The following MEF2C variants were observed in gnomAD, a reference collection of about 807,000 sequenced individuals.
MEF2C encodes the protein myocyte-specific enhancer factor 2C.
A neutral mutation model predicts 50.5 loss-of-function variants in MEF2C; 6 were observed. The ratio of observed to expected loss-of-function variants is 0.12; its 90% CI spans 0.07 to 0.23. MEF2C has a LOEUF of 0.23. Ranked by LOEUF, MEF2C falls within the 10% of genes least tolerant of loss-of-function variation. MEF2C has a pLI of 1.00. For missense variants in MEF2C, 276 were observed against 605.0 expected (o/e 0.46, Z 5.70); for synonymous variants, 183 against 228.0 (o/e 0.80, Z 1.78).
At chr5:88,767,391 CTTTG>C (rs1239249135) in intron 3 of MEF2C, among the ~76,000 whole-genome samples, 1 of 144,896 alleles carries the variant, frequency 6.9e-6, no homozygotes. Context: ...AGTCCCTTTT[CTTTG>C]TTCTTATTCT....
chr5:88,725,819 G>A (rs150391976), intron 10 of MEF2C, among the ~76,000 whole-genome samples: 266 of 152,116 alleles, frequency 1.7e-3, no homozygotes, highest in Non-Finnish European at 3.2e-3. Context: ...ATCTCTCTCA[G>A]TATGTACTGA....
Position 88,722,574 on chromosome 5 carries a change from A to T in MEF2C, c.*30T>A. 1 of 1,569,374 alleles carries T rather than the reference A, an allele frequency of 6.4e-7. No individual in the cohort carries two copies. On this transcript the variant is annotated 3_prime_UTR_variant, in exon 11 of 11. Transcript: ENST00000504921. ...ATAGCACACACACACACTGCAAGAA[A>T]AAAAAAAAAACTAGTAAGTAATAAT...
At chr5:88,735,238 C>T in intron 6 of MEF2C, 1 of 985,342 alleles carries the variant, frequency 1.0e-6, no homozygotes, top group Non-Finnish European at 1.2e-6. Context: ...GCCTGTTGTC[C>T]CACCTTAAGA....
intron 5 of MEF2C, chr5:88,751,417 A>T (rs1482682561): frequency 2.0e-6 from 2 of 979,232 alleles, no homozygotes; most frequent in African/African-American, 3.5e-5. Flanking sequence ...CTGTATAAAT[A>T]AAAAAAAATT....
At chr5:88,859,582 C>T (rs1191662073) in intron 1 of MEF2C, among the ~76,000 whole-genome samples, 1 of 152,178 alleles carries the variant, frequency 6.6e-6, no homozygotes, top group East Asian at 1.9e-4. Flanking sequence ...TTTTCAGTAT[C>T]CTATTTTAGT....
intron 1 of MEF2C, among the ~76,000 whole-genome samples, chr5:88,894,365 A>T (rs756352316): frequency 6.6e-6 from 1 of 152,238 alleles, no homozygotes; most frequent in Non-Finnish European, 1.5e-5. Flanking sequence ...TAGTGATAAT[A>T]TAATAGATAT....
intron 2 of MEF2C, among the ~76,000 whole-genome samples, chr5:88,817,216 A>C (rs1488161901): frequency 6.6e-6 from 1 of 152,026 alleles, no homozygotes. Flanking sequence ...GGTTATTAAG[A>C]TGTAACTCCC....
intron 1 of MEF2C, among the ~76,000 whole-genome samples, chr5:88,901,081 G>A (rs1254941790): frequency 6.6e-6 from 1 of 151,978 alleles, no homozygotes; most frequent in Non-Finnish European, 1.5e-5. Flanking sequence ...TATAGATATG[G>A]ACAGCAAGGG....
At position 88,736,702 on chromosome 5, in the gene MEF2C, C is replaced by T. The variant is rs1764271480; in HGVS notation, c.638-4801G>A. On this transcript the variant is annotated intron_variant, in intron 6 of 10. Transcript: ENST00000504921. ...GGAAGTCTTTCTGAACTGCTACTTCCATCATGTTCCTTTTTCATACATGAG... is the reference window on the plus strand; with the variant it reads ...GGAAGTCTTTCTGAACTGCTACTTCTATCATGTTCCTTTTTCATACATGAG... 2.8e-5 allele frequency: 28 copies of T among 985,342 alleles called. No individual in the cohort carries two copies. In the South Asian group the frequency reaches 1.3e-3, roughly 45 times the overall value. 61.0% of individuals were successfully genotyped at this position (985,342 alleles called of 1,614,324 possible). A position where few individuals can be genotyped will look rare whatever the true frequency, so the allele number is the denominator to read the frequency against.
intron 4 of MEF2C, among the ~76,000 whole-genome samples, chr5:88,754,187 A>G (rs1294943068): frequency 2.0e-5 from 3 of 152,180 alleles, no homozygotes; most frequent in Non-Finnish European, 4.4e-5. Context: ...GAGCAAAGTC[A>G]GGGTATTTTT....
intron 1 of MEF2C, among the ~76,000 whole-genome samples, chr5:88,827,507 G>C (rs574395609): frequency 3.9e-5 from 6 of 151,994 alleles, no homozygotes; most frequent in Non-Finnish European, 7.4e-5. Flanking sequence ...CCCACACACA[G>C]AGGCCTTGGA....
chr5:88,892,561 C>T (rs1157627317), intron 1 of MEF2C, among the ~76,000 whole-genome samples: 2 of 152,140 alleles, frequency 1.3e-5, no homozygotes, highest in Non-Finnish European at 2.9e-5. Context: ...GGAATTGGTT[C>T]AGGATGAGAT....
rs1162307823 is a variant in MEF2C, at chr5:88,721,134, T to C, written c.*1470A>G. On this transcript the variant is annotated 3_prime_UTR_variant, in exon 11 of 11. Transcript: ENST00000504921. ...TTTCTAGGGCCATATTTGCAGGACA[T>C]GTGCCCCAACATAGCTTTTCTATTC... 1 of 152,618 alleles carries C rather than the reference T, an allele frequency of 6.6e-6. No homozygotes were observed. Among genetic ancestry groups the C allele is most frequent in the East Asian group, 1.9e-4 (1 of 5,204 alleles). 9.5% of individuals were successfully genotyped at this position (152,618 alleles called of 1,614,324 possible).
intron 1 of MEF2C, among the ~76,000 whole-genome samples, chr5:88,842,902 G>C (rs1445570879): frequency 6.6e-6 from 1 of 152,066 alleles, no homozygotes; most frequent in African/African-American, 2.4e-5. Flanking sequence ...GAAATTAAGC[G>C]TGGGTTCTAT....
intron 1 of MEF2C, among the ~76,000 whole-genome samples, chr5:88,829,819 T>A (rs1812345877): frequency 6.6e-6 from 1 of 152,012 alleles, no homozygotes; most frequent in Non-Finnish European, 1.5e-5. Flanking sequence ...CCCTTGGAAC[T>A]GTTGTTTCCT....
chr5:88,722,791 G>T lies in MEF2C; in HGVS notation c.1235C>A (p.Thr412Lys). 6.2e-7 allele frequency: 1 copy of T among 1,614,012 alleles called. No homozygotes were observed. Among genetic ancestry groups the T allele is most frequent in the Non-Finnish European group, 8.5e-7 (1 of 1,179,898 alleles). The stretch of plus-strand genomic sequence containing the variant: ...AGGAGATCTCCCCGCCTCGTGGCGC[G>T]TGTGTTGTGGGTATCTCGAAGGGGT... ...TTTPSRYPQH[T>K]RHEAGRSPVD... The change falls in exon 11 of 11, where the codon ACG (threonine) becomes AAG (lysine). Residue 412 changes from threonine to lysine, a missense_variant. Around this residue, in one of 2 missense-constraint regions of MEF2C, gnomAD observed 256 missense variants for 468.1 expected, o/e 0.55. Coordinates refer to ENST00000504921, the MANE Select transcript of MEF2C (RefSeq NM_002397.5).
At chr5:88,793,682 G>T (rs188777706) in intron 3 of MEF2C, among the ~76,000 whole-genome samples, 6 of 151,992 alleles carry the variant, frequency 3.9e-5, no homozygotes, top group Non-Finnish European at 8.8e-5. Flanking sequence ...TCTGGGATAC[G>T]TGTGCAGAAC....
intron 3 of MEF2C, among the ~76,000 whole-genome samples, chr5:88,770,862 C>T (rs927674539): frequency 3.9e-5 from 6 of 152,182 alleles, no homozygotes; most frequent in East Asian, 1.9e-4. Context: ...GGCTCATTTC[C>T]TCTTTTCTCC....
At chr5:88,830,295 A>G (rs1227411600) in intron 1 of MEF2C, among the ~76,000 whole-genome samples, 3 of 152,020 alleles carry the variant, frequency 2.0e-5, no homozygotes, top group Non-Finnish European at 4.4e-5. Context: ...TCTTTCCCCA[A>G]GGACAAAAAG....
Sources: gnomAD v4.1 joint callset for allele counts (sites outside exome capture counted in the v4.1 genomes callset) on GRCh38, gnomAD v4.1.1 for gene constraint, gnomAD v4.1.1 regional missense constraint, MANE v1.5 for transcripts, NCBI Gene and HGNC (gene_info 2026-07-23, HGNC 2026-07-21) for gene names.